The following RPTOR variants were observed in gnomAD, a reference collection of about 807,000 sequenced individuals.
The protein encoded by RPTOR is regulatory associated protein of MTOR complex 1, also known as regulatory-associated protein of mTOR.
RPTOR carries 21 observed loss-of-function variants against 169.9 expected under a neutral mutation model. That is an observed-to-expected ratio of 0.12 (90% CI 0.09 to 0.18). The LOEUF (loss-of-function observed/expected upper bound fraction) is 0.18. RPTOR is among the 10% of genes least tolerant of loss of function. RPTOR has a pLI of 1.00. For synonymous variants in RPTOR, 732 were observed against 753.2 expected (o/e 0.97, Z 0.46); for missense variants, 1,133 against 1,855.9 (o/e 0.61, Z 7.16).
chr17:80,880,406 TC>T lies in RPTOR; in HGVS notation c.1510-8del. The T allele has an allele frequency of 2.5e-6, 4 of 1,613,694 alleles. No individual in the cohort carries two copies. Among genetic ancestry groups the T allele is most frequent in the Non-Finnish European group, 3.4e-6 (4 of 1,179,838 alleles). On this transcript the variant is annotated splice_region_variant and splice_polypyrimidine_tract_variant and intron_variant, in intron 13 of 33. Transcript: ENST00000306801. ...ACTCACTGCCTCTCCTCTGTCTCTT[TC>T]TGTCCAGTCGTGCCAAGCGGACCTC...
At chr17:80,619,701 A>G (rs1475777609) in intron 1 of RPTOR, among the ~76,000 whole-genome samples, 1 of 152,184 alleles carries the variant, frequency 6.6e-6, no homozygotes, top group Non-Finnish European at 1.5e-5. Flanking sequence ...GAGAGTGGAA[A>G]TGTTAACGTG....
intron 6 of RPTOR, among the ~76,000 whole-genome samples, chr17:80,764,358 G>A (rs960947165): frequency 7.5e-6 from 1 of 133,320 alleles, no homozygotes; most frequent in African/African-American, 2.9e-5. Context: ...TCCCCTTCCT[G>A]TGTCCATGTG....
Position 80,883,482 on chromosome 17 carries a change from C to T in RPTOR, c.1648C>T (p.Gln550Ter). The T allele has an allele frequency of 6.2e-7, 1 of 1,613,982 alleles. No individual in the cohort carries two copies. The highest frequency in any genetic ancestry group is 8.5e-7 in the Non-Finnish European group (1 of 1,179,942). The change falls in exon 15 of 34, where the codon CAG (glutamine) becomes TAG (stop). Residue 550 changes from glutamine to a stop codon, truncating the protein, a stop_gained and splice_region_variant. Coordinates refer to ENST00000306801, the MANE Select transcript of RPTOR (RefSeq NM_020761.3). LOFTEE classifies it high-confidence loss of function. ...GATCGTCAACAGCTATCACACGGGG[C>T]AGGTGAGCCCCCCAGCCACCCCCAG... The part of the protein sequence containing the change: ...AVIVNSYHTG[Q>*]EACLQGNLIA...
At position 80,746,008 on chromosome 17, in the gene RPTOR, T is replaced by G. The variant is rs909545344; in HGVS notation, c.655-8002T>G. On this transcript the variant is annotated intron_variant, in intron 5 of 33. Coordinates refer to ENST00000306801, the MANE Select transcript of RPTOR (RefSeq NM_020761.3). This position sits in a 1 kb window ranked among gnomAD's most constrained non-coding sequence, Gnocchi z 4.5. ...TGAAACCCAGTCTCTACTAAAAATA[T>G]AAAATTATCCAGACGTGGTGGCGCA... Among the ~76,000 whole-genome samples the G allele has an allele frequency of 2.0e-5, 3 of 152,006 alleles. No homozygotes were observed. Among genetic ancestry groups the G allele is most frequent in the Non-Finnish European group, 4.4e-5 (3 of 67,998 alleles).
At chr17:80,572,739 C>A (rs1599562368) in intron 1 of RPTOR, among the ~76,000 whole-genome samples, 1 of 152,070 alleles carries the variant, frequency 6.6e-6, no homozygotes, top group Non-Finnish European at 1.5e-5. Context: ...AAACCAAAAC[C>A]AAAAACAAAT....
At chr17:80,741,807 G>A (rs2066484454) in intron 5 of RPTOR, among the ~76,000 whole-genome samples, 1 of 152,192 alleles carries the variant, frequency 6.6e-6, no homozygotes, top group East Asian at 1.9e-4. Flanking sequence ...TGTGGCTGGA[G>A]AGGAGAGGCC....
At chr17:80,683,443 C>G (rs1351418903) in intron 3 of RPTOR, among the ~76,000 whole-genome samples, 1 of 152,102 alleles carries the variant, frequency 6.6e-6, no homozygotes, top group Non-Finnish European at 1.5e-5. Flanking sequence ...GATGGCGTCC[C>G]CACATTTCTC....
intron 6 of RPTOR, among the ~76,000 whole-genome samples, chr17:80,758,826 C>T (rs2066706343): frequency 6.6e-6 from 1 of 151,862 alleles, no homozygotes; most frequent in Non-Finnish European, 1.5e-5. Flanking sequence ...GGCATTTTTG[C>T]AAGTTTTCAG....
chr17:80,662,184 G>T (rs563087715), intron 3 of RPTOR, among the ~76,000 whole-genome samples: 1 of 152,248 alleles, frequency 6.6e-6, no homozygotes, highest in South Asian at 2.1e-4. Context: ...AGCTCCCTCA[G>T]CCCCCTTTCC....
chr17:80,780,805 C>T (rs1233659396), intron 6 of RPTOR, among the ~76,000 whole-genome samples: 11 of 152,172 alleles, frequency 7.2e-5, no homozygotes, highest in Admixed American at 5.9e-4. Context: ...ACAGCCCCTC[C>T]GGCTCCCTTT....
In RPTOR at chr17:80,696,221, G is replaced by A. The variant is rs80279887; in HGVS notation, c.349-11620G>A. On this transcript the variant is annotated intron_variant, in intron 3 of 33. Coordinates refer to ENST00000306801, the MANE Select transcript of RPTOR (RefSeq NM_020761.3). ...TTTTTCATTAAGAGATTTTGGAGGG[G>A]GAGGAAACCAGCCTTACAGTGATAG... 9.4e-3 allele frequency among the ~76,000 whole-genome samples: 1,426 copies of A among 152,220 alleles called. 38 individuals carry two copies. The highest frequency in any genetic ancestry group is 0.033 in the African/African-American group (1,353 of 41,526).
At chr17:80,629,567 T>C (rs71368073) in intron 2 of RPTOR, among the ~76,000 whole-genome samples, 2,938 of 137,408 alleles carry the variant, frequency 0.021, 53 homozygotes, top group Non-Finnish European at 0.034. Flanking sequence ...GACATTGTAC[T>C]GCAGCTCTTC....
chr17:80,936,928 G>A lies in RPTOR; in HGVS notation c.2920-3568G>A, dbSNP rs957419038. Among the ~76,000 whole-genome samples the A allele has an allele frequency of 5.3e-5, 8 of 152,334 alleles. No individual in the cohort carries two copies. Among genetic ancestry groups the A allele is most frequent in the East Asian group, 1.9e-4 (1 of 5,188 alleles). ...CTGTGTCCTTGGACGTAATGTACAC[G>A]AGACACTGGCAGAATCAAATCACCT... On this transcript the variant is annotated intron_variant, in intron 24 of 33. Transcript: ENST00000306801. This position sits in a 1 kb window ranked among gnomAD's most constrained non-coding sequence, Gnocchi z 4.1.
chr17:80,682,171 A>G (rs1455147695), intron 3 of RPTOR, among the ~76,000 whole-genome samples: 3 of 140,142 alleles, frequency 2.1e-5, no homozygotes, highest in Non-Finnish European at 4.6e-5. Context: ...TGGTGCAATC[A>G]TGGGTCGCTG....
chr17:80,669,529 C>T (rs1038456891), intron 3 of RPTOR, among the ~76,000 whole-genome samples: 5 of 152,246 alleles, frequency 3.3e-5, no homozygotes, highest in South Asian at 2.1e-4. Flanking sequence ...GGATTACAGG[C>T]GTGCGCCACC....
intron 22 of RPTOR, among the ~76,000 whole-genome samples, chr17:80,923,228 C>T (rs904672513): frequency 2.5e-4 from 38 of 152,328 alleles, no homozygotes; most frequent in Admixed American, 1.8e-3. Flanking sequence ...GAGCTGGGTT[C>T]GTCCTGTCCG....
chr17:80,962,675 AG>A, intron 32 of RPTOR, 98 bp downstream of exon 32: 1 of 1,178,998 alleles, frequency 8.5e-7, no homozygotes, highest in Middle Eastern at 2.2e-4. Flanking sequence ...GAGCTGAAGG[AG>A]GGCAGGGGAG....
intron 5 of RPTOR, among the ~76,000 whole-genome samples, chr17:80,752,455 C>T (rs2066639821): frequency 6.6e-6 from 1 of 152,256 alleles, no homozygotes; most frequent in Non-Finnish European, 1.5e-5. Context: ...TGATATTTTC[C>T]AGCTCTTCTC....
chr17:80,581,193 G>A (rs2065010411), intron 1 of RPTOR, among the ~76,000 whole-genome samples: 1 of 152,246 alleles, frequency 6.6e-6, no homozygotes, highest in Non-Finnish European at 1.5e-5. Flanking sequence ...AGGATGACAT[G>A]CTGGCAGATT....
Sources: gnomAD v4.1 joint callset for allele counts (sites outside exome capture counted in the v4.1 genomes callset) on GRCh38, gnomAD v4.1.1 for gene constraint, Gnocchi (gnomAD v3.1) non-coding constraint, MANE v1.5 for transcripts, NCBI Gene and HGNC (gene_info 2026-07-23, HGNC 2026-07-21) for gene names.